The following PPP1R12A variants were observed in gnomAD, a reference collection of about 807,000 sequenced individuals.
PPP1R12A encodes protein phosphatase 1 regulatory subunit 12A.
Under a neutral mutation model 139.6 loss-of-function variants are expected in PPP1R12A, and 19 were observed. The observed-to-expected ratio is 0.14, with a 90% CI of 0.09 to 0.20. The LOEUF is 0.20. Among genes scored for constraint, PPP1R12A ranks in the 10% least tolerant of loss-of-function variants. PPP1R12A has a pLI of 1.00. For synonymous variants in PPP1R12A, 427 were observed against 420.6 expected (o/e 1.02, Z -0.19); for missense variants, 925 against 1,211.5 (o/e 0.76, Z 3.51).
At chr12:79,858,203 T>A (rs985918930) in intron 2 of PPP1R12A, among the ~76,000 whole-genome samples, 1 of 152,166 alleles carries the variant, frequency 6.6e-6, no homozygotes, top group Non-Finnish European at 1.5e-5. Context: ...ACTACTTCAT[T>A]CTCCTCTGCT....
At chr12:79,885,244 C>A (rs1362679939) in intron 1 of PPP1R12A, among the ~76,000 whole-genome samples, 3 of 151,932 alleles carry the variant, frequency 2.0e-5, no homozygotes, top group Admixed American at 2.0e-4. Flanking sequence ...CAGTCTCCTC[C>A]TGAAAATGAG....
chr12:79,909,791 G>A (rs1157151384), intron 1 of PPP1R12A, among the ~76,000 whole-genome samples: 1 of 146,954 alleles, frequency 6.8e-6, no homozygotes, highest in Non-Finnish European at 1.5e-5. Context: ...ATATTGCTTT[G>A]TTGTTGTTGT....
chr12:79,787,670 C>T (rs1202682028), intron 21 of PPP1R12A: 4 of 152,222 alleles, frequency 2.6e-5, no homozygotes, highest in African/African-American at 9.7e-5. Flanking sequence ...CGCCACCACA[C>T]CTGGGGTAAT....
intron 2 of PPP1R12A, among the ~76,000 whole-genome samples, chr12:79,846,491 G>A (rs919120846): frequency 2.6e-5 from 4 of 151,604 alleles, no homozygotes; most frequent in African/African-American, 4.9e-5. Flanking sequence ...GTGCAGCGGC[G>A]TAATCTCTGC....
rs201724097 is a variant in PPP1R12A, at chr12:79,930,344, T to A, written c.237+4351A>T. On this transcript the variant is annotated intron_variant, in intron 1 of 24. Coordinates refer to ENST00000450142, the MANE Select transcript of PPP1R12A (RefSeq NM_002480.3). ...AAGCTAAATGATAAAATGTACTATA[T>A]CCAAATTTAGAGAGAGGAATAACAC... 4.6e-5 allele frequency among the ~76,000 whole-genome samples: 7 copies of A among 152,044 alleles called. No homozygotes were observed. In the East Asian group the frequency reaches 1.4e-3, roughly 29 times the overall value.
chr12:79,824,996 C>T (rs924948770), intron 5 of PPP1R12A: 4 of 152,036 alleles, frequency 2.6e-5, no homozygotes, highest in Admixed American at 1.3e-4. Context: ...TTAGGTACAA[C>T]CTCTTCATCT....
chr12:79,819,759 T>C (rs561967935), intron 8 of PPP1R12A, among the ~76,000 whole-genome samples: 6 of 152,036 alleles, frequency 3.9e-5, no homozygotes, highest in Non-Finnish European at 8.8e-5. Flanking sequence ...CTCAGCAAAA[T>C]AGTTAACCCT....
intron 3 of PPP1R12A, among the ~76,000 whole-genome samples, chr12:79,839,449 T>C (rs991176988): frequency 6.6e-6 from 1 of 151,198 alleles, no homozygotes; most frequent in Admixed American, 6.6e-5. Flanking sequence ...GACGTGAGAT[T>C]TGGAAGGGGC....
intron 4 of PPP1R12A, among the ~76,000 whole-genome samples, chr12:79,831,151 CAA>C (rs397937995): frequency 6.9e-6 from 1 of 144,764 alleles, no homozygotes; most frequent in South Asian, 2.2e-4. Context: ...TTTCTATTCT[CAA>C]AAAAAAAAAT....
At chr12:79,878,710 A>G in intron 1 of PPP1R12A, among the ~76,000 whole-genome samples, 1 of 152,132 alleles carries the variant, frequency 6.6e-6, no homozygotes. Flanking sequence ...GCAAAACAGG[A>G]AAAGTCCCTT....
chr12:79,873,765 A>G (rs1882817595), intron 1 of PPP1R12A, among the ~76,000 whole-genome samples: 2 of 152,152 alleles, frequency 1.3e-5, no homozygotes, highest in South Asian at 2.1e-4. Context: ...TCTTTTTTAT[A>G]TTCTCTGGAA....
intron 1 of PPP1R12A, among the ~76,000 whole-genome samples, chr12:79,927,021 ACT>A (rs1348112293): frequency 9.9e-6 from 1 of 101,252 alleles, no homozygotes; most frequent in African/African-American, 3.0e-5. Context: ...ACACGGGGAG[ACT>A]CTGTCAAAGA....
rs1438676758 is a variant in PPP1R12A, at chr12:79,934,914, C to T, written c.18G>A (p.Ala6=). 3.1e-6 allele frequency: 5 copies of T among 1,600,448 alleles called. No homozygotes were observed. The highest frequency in any genetic ancestry group is 2.3e-5 in the East Asian group (1 of 44,154). The change falls in exon 1 of 25, where the codon GCG becomes GCA. Residue 6 remains alanine (A), a synonymous_variant. Transcript: ENST00000450142. MKMAD[A]KQKRNEQLKR... is the part of the protein sequence containing the mutation. The stretch of plus-strand genomic sequence containing the variant: ...TCAGCTGCTCGTTCCGCTTCTGCTT[C>T]GCGTCCGCCATCTTCATCCCCTCTC...
chr12:79,870,482 A>G (rs1026207396), intron 2 of PPP1R12A, among the ~76,000 whole-genome samples: 4 of 152,218 alleles, frequency 2.6e-5, no homozygotes, highest in Non-Finnish European at 5.9e-5. Flanking sequence ...ATCATCCAGT[A>G]TATGCTAGAG....
chr12:79,807,004 C>T, intron 12 of PPP1R12A: 1 of 324,052 alleles, frequency 3.1e-6, no homozygotes. Context: ...ATCCAAAAAA[C>T]ATTTCATAAT....
At chr12:79,905,341 C>CCA (rs1219002103) in intron 1 of PPP1R12A, among the ~76,000 whole-genome samples, 6 of 101,680 alleles carry the variant, frequency 5.9e-5, no homozygotes, top group Admixed American at 3.1e-4. Context: ...GTTTTGCCGC[C>CCA]CCCCCCCACC....
intron 11 of PPP1R12A, 140 bp downstream of exon 11, chr12:79,808,343 G>A (rs940790243): frequency 2.4e-5 from 14 of 587,780 alleles, no homozygotes; most frequent in Admixed American, 9.2e-5. Flanking sequence ...TATGTACCTG[G>A]TATTTTCTCC....
Position 79,776,485 on chromosome 12 carries a change from A to G in PPP1R12A, c.3007-470T>C, listed in dbSNP as rs115494050. 7.4e-3 allele frequency among the ~76,000 whole-genome samples: 1,128 copies of G among 152,266 alleles called. 10 individuals are homozygous for G. Among genetic ancestry groups the G allele is most frequent in the African/African-American group, 0.026 (1,083 of 41,560 alleles). ...GAGGAAATTAGACTTGTTCTAAATT[A>G]TTAAAATTCCTTAAACGATTCACCT... is the stretch of plus-strand genomic sequence containing the variant. On this transcript the variant is annotated intron_variant, in intron 24 of 24. Coordinates refer to ENST00000450142, the MANE Select transcript of PPP1R12A (RefSeq NM_002480.3).
At chr12:79,838,343 A>C (rs1467594409) in intron 3 of PPP1R12A, among the ~76,000 whole-genome samples, 1 of 152,250 alleles carries the variant, frequency 6.6e-6, no homozygotes, top group Non-Finnish European at 1.5e-5. Flanking sequence ...AGAGCATAAA[A>C]GTATGAAAAA....
Sources: allele counts gnomAD v4.1 joint callset (sites outside exome capture counted in the v4.1 genomes callset), GRCh38; gene constraint gnomAD v4.1.1; transcripts MANE v1.5; gene names NCBI Gene and HGNC (gene_info 2026-07-23, HGNC 2026-07-21).